Variants in PTGES3L observed in about 807,000 individuals in gnomAD.
PTGES3L encodes the protein putative protein PTGES3L.
A neutral mutation model predicts 25.0 loss-of-function variants in PTGES3L; 17 were observed. The ratio of observed to expected loss-of-function variants is 0.68; its 90% CI spans 0.47 to 1.02. The LOEUF (loss-of-function observed/expected upper bound fraction) is 1.02, where lower values mean the gene tolerates loss of function less well. Among genes scored for constraint, PTGES3L ranks in the 50% least tolerant of loss-of-function variants. PTGES3L has a pLI of 0.00. For missense variants in PTGES3L, 202 were observed against 197.5 expected (o/e 1.02, Z -0.14); for synonymous variants, 59 against 65.7 (o/e 0.90, Z 0.50).
Position 42,970,911 on chromosome 17 carries a change from G to A in PTGES3L, c.379-569C>T, listed in dbSNP as rs552557896. Among the ~76,000 whole-genome samples the A allele has an allele frequency of 1.8e-3, 279 of 151,782 alleles. 2 individuals are homozygous for A. The highest frequency in any genetic ancestry group is 2.9e-3 in the Non-Finnish European group (198 of 67,970). ...AATCCCAGCTACTCAGGTGGCTGAG[G>A]CACAAGAATCACTTGAACCTGGGAA... On this transcript the variant is annotated intron_variant, in intron 5 of 6. Transcript: ENST00000591916.
At chr17:42,979,785 A>T (rs1273674933) in intron 1 of PTGES3L, 122 bp from the exon 2 acceptor site, 8 of 1,447,166 alleles carry the variant, frequency 5.5e-6, no homozygotes, top group Non-Finnish European at 7.5e-6. Context: ...TAAATGAGAC[A>T]GAAGGGGTGA....
rs2049808487 is a variant in PTGES3L at position 42,970,272 on chromosome 17, G to A, written c.432+17C>T. ...GCTACAAAGAAACTGAAGGGTTGAG[G>A]GGAAGGCTTTACTTACATCCAAATC... On this transcript the variant is annotated intron_variant, in intron 6 of 6. Coordinates refer to ENST00000591916, the MANE Select transcript of PTGES3L (RefSeq NM_001261430.2). 1 of 1,613,842 alleles carries A rather than the reference G, an allele frequency of 6.2e-7. No homozygotes were observed. Among genetic ancestry groups the A allele is most frequent in the East Asian group, 2.2e-5 (1 of 44,868 alleles).
At chr17:42,972,715 T>C (rs371015900) in intron 4 of PTGES3L, among the ~76,000 whole-genome samples, 587 of 151,882 alleles carry the variant, frequency 3.9e-3, no homozygotes, top group African/African-American at 0.013. Context: ...CCCAAAGTGC[T>C]GAGATTGCAG....
intron 4 of PTGES3L, among the ~76,000 whole-genome samples, chr17:42,978,300 A>T (rs1405894169): frequency 1.3e-5 from 2 of 151,612 alleles, no homozygotes; most frequent in African/African-American, 2.4e-5. Flanking sequence ...CCAGCTACTC[A>T]GGAGGCTGAG....
rs374388208 is a variant in PTGES3L, at chr17:42,970,326, C to T, written c.395G>A (p.Ser132Asn). Residue 132 changes from serine (S) to asparagine (N), a missense_variant, in exon 6 of 7, where the codon AGC (serine) becomes AAC (asparagine). Ser to Asn is a conservative substitution (Grantham distance 46). Coordinates refer to ENST00000591916, the MANE Select transcript of PTGES3L (RefSeq NM_001261430.2). Reference protein sequence around the residue: ...EHYAELLKKVSTKRPPPAMDD... With the variant: ...EHYAELLKKVNTKRPPPAMDD... ...CATGGCAGGTGGAGGTCTCTTGGTG[C>T]TGACCTTCTTCAAAAGCTAGTGGGA... 1.9e-6 allele frequency: 3 copies of T among 1,613,840 alleles called. No homozygotes were observed. The highest frequency in any genetic ancestry group is 2.5e-6 in the Non-Finnish European group (3 of 1,179,850).
At chr17:42,978,077 C>CGAAAAAAA (rs2049992384) in intron 4 of PTGES3L, among the ~76,000 whole-genome samples, 1 of 47,402 alleles carries the variant, frequency 2.1e-5, no homozygotes. Context: ...AACTCCGAAT[C>CGAAAAAAA]AAAAAAAAAA....
intron 4 of PTGES3L, among the ~76,000 whole-genome samples, chr17:42,972,942 G>C (rs1295640110): frequency 1.4e-5 from 2 of 142,722 alleles, no homozygotes; most frequent in South Asian, 2.3e-4. Flanking sequence ...GCCACCCATC[G>C]TCTGAGATGT....
intron 4 of PTGES3L, 52 bp downstream of exon 4, chr17:42,979,118 C>CTGTA: frequency 6.3e-7 from 1 of 1,592,352 alleles, no homozygotes; most frequent in Non-Finnish European, 8.6e-7. Context: ...ACAATCCCAG[C>CTGTA]TGTAACCTGG....
intron 4 of PTGES3L, among the ~76,000 whole-genome samples, chr17:42,975,122 C>A (rs1466442863): frequency 8.7e-6 from 1 of 114,886 alleles, no homozygotes; most frequent in East Asian, 2.4e-4. Context: ...AGTAACAGTA[C>A]GACATCCTGT....
chr17:42,979,726 A>T, intron 1 of PTGES3L, 63 bp from the exon 2 acceptor site: 1 of 1,571,946 alleles, frequency 6.4e-7, no homozygotes, highest in Non-Finnish European at 8.7e-7. Context: ...GTCATTTGGG[A>T]AGGGACTACC....
chr17:42,974,698 G>A lies in PTGES3L; in HGVS notation c.289-3002C>T, dbSNP rs557142140. On this transcript the variant is annotated intron_variant, in intron 4 of 6. Transcript: ENST00000591916. ...TAACGCAGGAGGATTACTGGAACCCGGAAGGTGGAGGTTGCAGTGAGTCGA... is the reference window on the plus strand; with the variant it reads ...TAACGCAGGAGGATTACTGGAACCCAGAAGGTGGAGGTTGCAGTGAGTCGA... Among the ~76,000 whole-genome samples the A allele has an allele frequency of 2.6e-3, 397 of 151,408 alleles. 4 individuals are homozygous for A. Among genetic ancestry groups the A allele is most frequent in the African/African-American group, 9.1e-3 (373 of 41,202 alleles).
intron 4 of PTGES3L, among the ~76,000 whole-genome samples, chr17:42,978,316 A>T (rs1033031361): frequency 1.3e-5 from 2 of 151,648 alleles, no homozygotes; most frequent in Admixed American, 1.3e-4. Context: ...CTGAGGAAGG[A>T]GAATCGCTTG....
At chr17:42,978,503 A>T (rs1050851961) in intron 4 of PTGES3L, among the ~76,000 whole-genome samples, 1 of 152,196 alleles carries the variant, frequency 6.6e-6, no homozygotes, top group East Asian at 1.9e-4. Context: ...TCTGAAGTGG[A>T]GTCTTACACA....
intron 5 of PTGES3L, among the ~76,000 whole-genome samples, chr17:42,970,676 G>GCACACACACACACACA (rs57542042): frequency 4.4e-4 from 64 of 144,190 alleles, no homozygotes; most frequent in African/African-American, 1.3e-3. Context: ...CTTAACACGC[G>GCACACACACACACACA]CACACACACA....
Position 42,969,129 on chromosome 17 carries a change from A to C in PTGES3L, c.*19T>G, listed in dbSNP as rs1196365015. The C allele has an allele frequency of 6.5e-7, 1 of 1,528,920 alleles. No homozygotes were observed. The highest frequency in any genetic ancestry group is 2.0e-5 in the Admixed American group (1 of 50,526). The allele number at this position is 1,528,920 out of a possible 1,614,324, so 94.7% of individuals were successfully genotyped here. A position where few individuals can be genotyped will look rare whatever the true frequency, so the allele number is the denominator to read the frequency against. ...GGAAAATAGCCACAGCTGCCTTCCC[A>C]GCTTTGCGTCACAGAAAGTTAATTA... On this transcript the variant is annotated 3_prime_UTR_variant, in exon 7 of 7. Coordinates refer to ENST00000591916, the MANE Select transcript of PTGES3L (RefSeq NM_001261430.2).
chr17:42,974,612 A>C (rs2049920747), intron 4 of PTGES3L, among the ~76,000 whole-genome samples: 1 of 151,860 alleles, frequency 6.6e-6, no homozygotes. Context: ...ATCTCTACTA[A>C]AAATACAGAA....
chr17:42,972,568 C>CCA lies in PTGES3L; in HGVS notation c.289-874_289-873dup, dbSNP rs1459108925. 2.0e-5 allele frequency among the ~76,000 whole-genome samples: 3 copies of CCA among 152,254 alleles called. No homozygotes were observed. The East Asian group carries it at 5.8e-4, about 30-fold the overall frequency. ...CCAGCCCCTAACCGCGAGTGATCCG[C>CCA]CAGCCTCGGCCTCCCGAGGTGCCGG... On this transcript the variant is annotated intron_variant, in intron 4 of 6. Transcript: ENST00000591916.
chr17:42,970,826 A>G (rs1291387172), intron 5 of PTGES3L, among the ~76,000 whole-genome samples: 6 of 151,870 alleles, frequency 4.0e-5, no homozygotes, highest in Non-Finnish European at 7.4e-5. Context: ...AACATGATGA[A>G]ACCCCATCTC....
At chr17:42,970,092 A>C (rs1343752949) in intron 6 of PTGES3L, among the ~76,000 whole-genome samples, 197 bp downstream of exon 6, 1 of 152,068 alleles carries the variant, frequency 6.6e-6, no homozygotes, top group African/African-American at 2.4e-5. Flanking sequence ...GGGCCACTGC[A>C]CTCCAACCTG....
Sources: gnomAD v4.1 joint callset for allele counts (sites outside exome capture counted in the v4.1 genomes callset) on GRCh38, gnomAD v4.1.1 for gene constraint, MANE v1.5 for transcripts, NCBI Gene and HGNC (gene_info 2026-07-23, HGNC 2026-07-21) for gene names.